The following GATA4 variants were observed in gnomAD, a reference collection of about 807,000 sequenced individuals.
The protein encoded by GATA4 is transcription factor GATA-4.
In GATA4, 7 loss-of-function variants were observed where a neutral mutation model predicts 37.9. The ratio of observed to expected loss-of-function variants is 0.18; its 90% confidence interval spans 0.11 to 0.35. GATA4 has a LOEUF of 0.35. Ranked by LOEUF, GATA4 falls within the 10% of genes least tolerant of loss-of-function variation. The pLI is 1.00. For missense variants in GATA4, 647 were observed against 653.0 expected, an observed-to-expected ratio of 0.99 and a Z score of 0.10; for synonymous variants, 372 against 292.6, an observed-to-expected ratio of 1.27 and a Z score of -2.77.
intron 2 of GATA4, among the ~76,000 whole-genome samples, chr8:11,732,761 A>T (rs1460955218): frequency 6.6e-6 from 1 of 152,190 alleles, no homozygotes; most frequent in Non-Finnish European, 1.5e-5. Context: ...TCCTCCCCGA[A>T]GACCAGCACA....
Position 11,755,388 on chromosome 8 carries a change from G to T in GATA4, c.1000+255G>T, listed in dbSNP as rs561582442. 5.9e-5 allele frequency among the ~76,000 whole-genome samples: 9 copies of T among 152,346 alleles called. No homozygotes were observed. In the East Asian group the frequency reaches 1.5e-3, roughly 26 times the overall value. On this transcript the variant is annotated intron_variant, in intron 5 of 6. Transcript: ENST00000532059. ...TCATTGCCGACTGCAAAGACCCAGT[G>T]CTCAGGCTGGACCAGCCGAGGTCCT...
At chr8:11,700,395 T>A (rs1443178722), upstream of GATA4, 1 of 152,284 alleles carries the variant, frequency 6.6e-6, no homozygotes, top group African/African-American at 2.4e-5. Context: ...GCGGAGGCTC[T>A]ACGTCCACTC....
chr8:11,720,654 A>C (rs1326570854), intron 2 of GATA4, among the ~76,000 whole-genome samples: 2 of 152,156 alleles, frequency 1.3e-5, no homozygotes, highest in Non-Finnish European at 2.9e-5. Flanking sequence ...CTTTGTGTTC[A>C]TAAGTTCTCA....
At chr8:11,746,565 G>A (rs969754778) in intron 2 of GATA4, among the ~76,000 whole-genome samples, 1 of 152,222 alleles carries the variant, frequency 6.6e-6, no homozygotes, top group Non-Finnish European at 1.5e-5. Context: ...GCCCGCGCCC[G>A]CCTCTTGCTG....
At position 11,707,959 on chromosome 8, in the gene GATA4, G is replaced by A. The variant is rs567836172; in HGVS notation, c.-354G>A. 1.1e-3 allele frequency: 372 copies of A among 343,754 alleles called. 1 individual carries two copies. The highest frequency in any genetic ancestry group is 7.7e-3 in the African/African-American group (347 of 45,240). The allele number at this position is 343,754 out of a possible 1,614,324, so 21.3% of individuals were successfully genotyped here. Reference sequence around the variant, plus strand: ...CGGTGTGACGAGTGGGGGACCCGAAGGCTCGTGCGCCACCTCCAGGCCTGG... The same window carrying A: ...CGGTGTGACGAGTGGGGGACCCGAAAGCTCGTGCGCCACCTCCAGGCCTGG... On this transcript the variant is annotated 5_prime_UTR_variant, in exon 2 of 7. Coordinates refer to ENST00000532059, the MANE Select transcript of GATA4 (RefSeq NM_001308093.3). The surrounding 1 kb of genome is among the most constrained non-coding windows in gnomAD (Gnocchi z 4.7).
At chr8:11,687,905 T>C (rs1799191342), upstream of GATA4, among the ~76,000 whole-genome samples, 1 of 152,162 alleles carries the variant, frequency 6.6e-6, no homozygotes, top group Admixed American at 6.5e-5. Flanking sequence ...GGTTGAGTGA[T>C]TTGCCAAAGG....
upstream of GATA4, among the ~76,000 whole-genome samples, chr8:11,701,889 G>A (rs1158869576): frequency 6.6e-6 from 1 of 152,096 alleles, no homozygotes; most frequent in Admixed American, 6.5e-5. Context: ...GTGGCCCAGG[G>A]TTGGCAGAAA....
At position 11,758,865 on chromosome 8, in the gene GATA4, C is replaced by G; in HGVS notation, c.*390C>G. 2 of 329,938 alleles carry G rather than the reference C, an allele frequency of 6.1e-6. No individual in the cohort carries two copies. Among genetic ancestry groups the G allele is most frequent in the South Asian group, 2.7e-5 (1 of 37,276 alleles). 20.4% of individuals were successfully genotyped at this position (329,938 alleles called of 1,614,324 possible). A position where few individuals can be genotyped will look rare whatever the true frequency, so the allele number is the denominator to read the frequency against. Reference sequence around the variant, plus strand: ...CGGGCCCTGGGACCCCTGCTCCAGCCCGAATGACGGCATCTGTTTGCCATG... The same window carrying G: ...CGGGCCCTGGGACCCCTGCTCCAGCGCGAATGACGGCATCTGTTTGCCATG... On this transcript the variant is annotated 3_prime_UTR_variant, in exon 7 of 7. Transcript: ENST00000532059.
At chr8:11,697,550 C>G (rs894474264) in intron 1 of GATA4, 3 of 985,372 alleles carry the variant, frequency 3.0e-6, no homozygotes, top group Non-Finnish European at 3.6e-6. Flanking sequence ...GCCACTTTCC[C>G]CTCCACCGCC....
intron 1 of GATA4, among the ~76,000 whole-genome samples, chr8:11,698,490 G>A (rs1259146454): frequency 6.6e-6 from 1 of 152,052 alleles, no homozygotes; most frequent in Admixed American, 6.5e-5. Context: ...CTCTGCCCTG[G>A]TCTCTGCCTG....
intron 2 of GATA4, among the ~76,000 whole-genome samples, chr8:11,739,901 C>G (rs1423938557): frequency 1.3e-5 from 2 of 152,214 alleles, no homozygotes; most frequent in African/African-American, 2.4e-5. Flanking sequence ...GGTTTTAAGA[C>G]TGTACCACTG....
intron 2 of GATA4, among the ~76,000 whole-genome samples, chr8:11,738,978 C>G (rs62489351): frequency 0.035 from 5,318 of 152,322 alleles, 242 homozygotes; most frequent in African/African-American, 0.11. Flanking sequence ...GGGCCTCTCC[C>G]TTTCTTTCTG....
At chr8:11,723,362 C>G (rs1395579804) in intron 2 of GATA4, among the ~76,000 whole-genome samples, 2 of 151,918 alleles carry the variant, frequency 1.3e-5, no homozygotes, top group Admixed American at 6.6e-5. Context: ...ACAAAAAAAC[C>G]TCATGGGTTT....
intron 2 of GATA4, among the ~76,000 whole-genome samples, chr8:11,719,776 C>T (rs1021313045): frequency 1.3e-5 from 2 of 152,166 alleles, no homozygotes; most frequent in Admixed American, 1.3e-4. Flanking sequence ...TCCTTAAACA[C>T]TGATGCCATT....
chr8:11,739,520 TAC>T (rs151158785), intron 2 of GATA4, among the ~76,000 whole-genome samples: 9 of 147,738 alleles, frequency 6.1e-5, no homozygotes, highest in African/African-American at 1.0e-4. Flanking sequence ...CATGTATGTG[TAC>T]ACACACACAC....
chr8:11,677,523 C>T (rs1798822133), intron 1 of GATA4, among the ~76,000 whole-genome samples: 1 of 152,188 alleles, frequency 6.6e-6, no homozygotes, highest in South Asian at 2.1e-4. Context: ...TCCTCCAGAA[C>T]ACCCAAATCC....
chr8:11,708,174 T>G lies in GATA4; in HGVS notation c.-139T>G. ...CGTATATATTTTTAAGCGAGTTGGT[T>G]TTTTCCCCTTTGATTTTTGATCTTC... On this transcript the variant is annotated 5_prime_UTR_variant, in exon 2 of 7. Coordinates refer to ENST00000532059, the MANE Select transcript of GATA4 (RefSeq NM_001308093.3). The surrounding 1 kb of genome is among the most constrained non-coding windows in gnomAD (Gnocchi z 6.7). 2.0e-6 allele frequency: 2 copies of G among 983,212 alleles called. No homozygotes were observed. Among genetic ancestry groups the G allele is most frequent in the South Asian group, 2.8e-5 (2 of 72,406 alleles). 60.9% of individuals were successfully genotyped at this position (983,212 alleles called of 1,614,324 possible).
chr8:11,684,295 C>T (rs530725814), intron 1 of GATA4, among the ~76,000 whole-genome samples: 1 of 152,308 alleles, frequency 6.6e-6, no homozygotes, highest in Middle Eastern at 3.4e-3. Context: ...GATTCTAGTT[C>T]CCACACAAAC....
chr8:11,691,329 C>G (rs1386724757), upstream of GATA4, among the ~76,000 whole-genome samples: 2 of 152,166 alleles, frequency 1.3e-5, no homozygotes, highest in African/African-American at 4.8e-5. Context: ...GAGATAAGGC[C>G]TCACTCTGTT....
Sources: gnomAD v4.1 joint callset for allele counts (sites outside exome capture counted in the v4.1 genomes callset) on GRCh38, gnomAD v4.1.1 for gene constraint, Gnocchi (gnomAD v3.1) non-coding constraint, MANE v1.5 for transcripts, NCBI Gene and HGNC (gene_info 2026-07-23, HGNC 2026-07-21) for gene names.